Variants in SDK1 observed in about 807,000 individuals in gnomAD.
The protein encoded by SDK1 is sidekick cell adhesion molecule 1, also known as protein sidekick-1.
SDK1 carries 157 observed loss-of-function variants against 245.5 expected under a neutral mutation model. The ratio of observed to expected loss-of-function variants is 0.64; its 90% CI spans 0.56 to 0.73. The LOEUF (loss-of-function observed/expected upper bound fraction) is 0.73. Among genes scored for constraint, SDK1 ranks in the 30% least tolerant of loss-of-function variants. SDK1 has a pLI of 0.00. For missense variants in SDK1, 3,583 were observed against 3,002.3 expected, an observed-to-expected ratio of 1.19 and a Z score of -4.52; for synonymous variants, 1,647 against 1,278.5, an observed-to-expected ratio of 1.29 and a Z score of -6.15.
intron 1 of SDK1, among the ~76,000 whole-genome samples, chr7:3,535,685 A>T (rs952733616): frequency 6.6e-6 from 1 of 152,216 alleles, no homozygotes; most frequent in Non-Finnish European, 1.5e-5. Context: ...TTCAGTTAGT[A>T]ATCAGATGTT....
At chr7:4,262,072 C>A (rs1163440010) in intron 44 of SDK1, among the ~76,000 whole-genome samples, 2 of 128,630 alleles carry the variant, frequency 1.6e-5, no homozygotes, top group South Asian at 5.6e-4. Context: ...CTCTGTCACC[C>A]AGGCTGGAGT....
chr7:4,207,430 C>T (rs1784284642), intron 36 of SDK1, among the ~76,000 whole-genome samples: 1 of 152,082 alleles, frequency 6.6e-6, no homozygotes, highest in African/African-American at 2.4e-5. Flanking sequence ...TGTGCTTGGG[C>T]GTCAAGTTCA....
At chr7:3,496,507 A>C (rs1243140242) in intron 1 of SDK1, among the ~76,000 whole-genome samples, 1 of 146,078 alleles carries the variant, frequency 6.8e-6, no homozygotes. Context: ...ACTTTATCTT[A>C]TTTTGCTCCC....
At chr7:4,168,261 T>A (rs1781620839) in intron 32 of SDK1, among the ~76,000 whole-genome samples, 1 of 152,198 alleles carries the variant, frequency 6.6e-6, no homozygotes, top group South Asian at 2.1e-4. Context: ...CAGGAGCGGA[T>A]GCATTTTGAC....
intron 1 of SDK1, among the ~76,000 whole-genome samples, chr7:3,528,213 G>T (rs1188342030): frequency 1.4e-5 from 2 of 145,330 alleles, no homozygotes; most frequent in African/African-American, 2.6e-5. Flanking sequence ...AGTTAGCTAG[G>T]GGGTGGGTGG....
intron 1 of SDK1, among the ~76,000 whole-genome samples, chr7:3,530,656 T>C (rs2128617824): frequency 6.6e-6 from 1 of 152,232 alleles, no homozygotes; most frequent in Non-Finnish European, 1.5e-5. Context: ...GTGAAATATA[T>C]TATGTATTAA....
intron 1 of SDK1, among the ~76,000 whole-genome samples, chr7:3,426,999 C>G (rs7784255): frequency 6.6e-6 from 1 of 152,204 alleles, no homozygotes; most frequent in Admixed American, 6.5e-5. Flanking sequence ...ATCATATATT[C>G]TAATTCTTAC....
At position 3,644,485 on chromosome 7, in the gene SDK1, C is replaced by T. The variant is rs74630999; in HGVS notation, c.713+2380C>T. Among the ~76,000 whole-genome samples, 185 of 151,658 alleles carry T rather than the reference C, an allele frequency of 1.2e-3. 1 individual carries two copies. The highest frequency in any genetic ancestry group is 4.4e-3 in the African/African-American group (180 of 41,352). On this transcript the variant is annotated intron_variant, in intron 4 of 44. Coordinates refer to ENST00000404826, the MANE Select transcript of SDK1 (RefSeq NM_152744.4). ...TAGGCTTTAAAAAGGCAGGTAAGGGCCATTTGCGGTGGCTTGTTCCTGTAA... is the reference window on the plus strand; with the variant it reads ...TAGGCTTTAAAAAGGCAGGTAAGGGTCATTTGCGGTGGCTTGTTCCTGTAA...
chr7:4,140,837 C>A (rs1287634305), intron 28 of SDK1, among the ~76,000 whole-genome samples: 1 of 152,184 alleles, frequency 6.6e-6, no homozygotes, highest in African/African-American at 2.4e-5. Context: ...CACAGTGGCT[C>A]ATACCTGCAA....
At chr7:4,080,905 C>A (rs763239809) in intron 22 of SDK1, among the ~76,000 whole-genome samples, 3 of 152,116 alleles carry the variant, frequency 2.0e-5, no homozygotes, top group Middle Eastern at 3.2e-3. Flanking sequence ...CAGTCTTCAG[C>A]AAATGAAGAC....
intron 1 of SDK1, among the ~76,000 whole-genome samples, chr7:3,303,113 A>G (rs1037006143): frequency 2.0e-5 from 3 of 152,318 alleles, no homozygotes; most frequent in African/African-American, 7.2e-5. Flanking sequence ...ACTACATGAA[A>G]ACAAATTGCC....
chr7:4,212,417 G>GA (rs138931513), intron 38 of SDK1, among the ~76,000 whole-genome samples: 5,629 of 149,354 alleles, frequency 0.038, 155 homozygotes, highest in Non-Finnish European at 0.055. Context: ...ATCCGAGAAA[G>GA]AAAAAAAAAA....
intron 22 of SDK1, among the ~76,000 whole-genome samples, chr7:4,107,340 G>A (rs945243803): frequency 4.6e-5 from 7 of 152,180 alleles, no homozygotes; most frequent in Admixed American, 6.5e-5. Flanking sequence ...CGGGAAAAGC[G>A]CCCACCGGTC....
chr7:4,240,779 C>A (rs984668465), intron 42 of SDK1, among the ~76,000 whole-genome samples: 2 of 151,958 alleles, frequency 1.3e-5, no homozygotes, highest in Non-Finnish European at 2.9e-5. Flanking sequence ...TCAGGGAGGT[C>A]GCCTCTGGTC....
intron 28 of SDK1, among the ~76,000 whole-genome samples, chr7:4,134,497 CA>C (rs1441245309): frequency 1.3e-5 from 2 of 152,226 alleles, no homozygotes; most frequent in African/African-American, 4.8e-5. Flanking sequence ...GCACAGCACC[CA>C]GGCATCAGCC....
At chr7:3,526,123 A>G (rs1016949271) in intron 1 of SDK1, among the ~76,000 whole-genome samples, 10 of 152,022 alleles carry the variant, frequency 6.6e-5, no homozygotes, top group Admixed American at 6.5e-4. Context: ...AATCCCAGCT[A>G]TTCAGGAGCT....
chr7:3,917,121 C>A (rs113952142), intron 5 of SDK1, among the ~76,000 whole-genome samples: 1,747 of 152,276 alleles, frequency 0.011, 37 homozygotes, highest in African/African-American at 0.04. Context: ...ATAAAACATA[C>A]AAAAATTCAG....
In SDK1 at chr7:3,989,076, G is replaced by A. The variant is rs184960849; in HGVS notation, c.2131+1754G>A. Among the ~76,000 whole-genome samples the A allele has an allele frequency of 2.1e-3, 321 of 152,322 alleles. 2 individuals are homozygous for A. Among genetic ancestry groups the A allele is most frequent in the African/African-American group, 7.3e-3 (304 of 41,576 alleles). Reference sequence around the variant, plus strand: ...GGCGTCCAGTTTAACCTTTTAATACGTAAGCTGCCGGCCTCCCTCTGTTAT... The same window carrying A: ...GGCGTCCAGTTTAACCTTTTAATACATAAGCTGCCGGCCTCCCTCTGTTAT... On this transcript the variant is annotated intron_variant, in intron 14 of 44. Coordinates refer to ENST00000404826, the MANE Select transcript of SDK1 (RefSeq NM_152744.4).
At chr7:3,736,926 C>G (rs981585696) in intron 4 of SDK1, among the ~76,000 whole-genome samples, 2 of 152,196 alleles carry the variant, frequency 1.3e-5, no homozygotes, top group South Asian at 4.1e-4. Context: ...TACCCTTTGA[C>G]GAACATCTGT....
Sources: allele counts gnomAD v4.1 joint callset (sites outside exome capture counted in the v4.1 genomes callset), GRCh38; gene constraint gnomAD v4.1.1; transcripts MANE v1.5; gene names NCBI Gene and HGNC (gene_info 2026-07-23, HGNC 2026-07-21).